Variants in QRFP observed in about 807,000 individuals in gnomAD.
QRFP encodes orexigenic neuropeptide QRFP.
QRFP carries 7 observed loss-of-function variants against 9.1 expected under a neutral mutation model. The observed-to-expected ratio is 0.77, with a 90% CI of 0.44 to 1.45. The LOEUF is 1.45. Ranked by LOEUF, QRFP falls within the 40% of genes most tolerant of loss-of-function variation. The probability of loss-of-function intolerance (pLI) is 0.01; values close to 1 mark genes in which losing one functional copy is unlikely to be tolerated. For missense variants in QRFP, 204 were observed against 185.4 expected (o/e 1.10, Z -0.58); for synonymous variants, 91 against 80.2 (o/e 1.13, Z -0.72).
In QRFP at chr9:130,893,650, C is replaced by T. The variant is rs1831718072; in HGVS notation, c.189G>A (p.Gln63=). 6.2e-7 allele frequency: 1 copy of T among 1,602,506 alleles called. No individual in the cohort carries two copies. Among genetic ancestry groups the T allele is most frequent in the South Asian group, 1.1e-5 (1 of 90,588 alleles). ...WGSSRWLRAS[Q]PQALLVIARG... Reference sequence around the variant, plus strand: ...TGGCTATGACAAGCAGGGCCTGTGGCTGTGAAGCTCTCAGCCACCGAGAGG... The same window carrying T: ...TGGCTATGACAAGCAGGGCCTGTGGTTGTGAAGCTCTCAGCCACCGAGAGG... Residue 63 remains glutamine, a synonymous_variant, in exon 3 of 3, where the codon CAG becomes CAA. Coordinates refer to ENST00000623824, the MANE Select transcript of QRFP (RefSeq NM_198180.3).
chr9:130,895,327 G>GA (rs1420863333), intron 2 of QRFP, among the ~76,000 whole-genome samples: 1 of 152,204 alleles, frequency 6.6e-6, no homozygotes, highest in Non-Finnish European at 1.5e-5. Context: ...GTCTAGAAAG[G>GA]AGACAGCCTG....
At chr9:130,896,347 C>T (rs1831759610) in intron 1 of QRFP, among the ~76,000 whole-genome samples, 2 of 152,210 alleles carry the variant, frequency 1.3e-5, no homozygotes, top group Admixed American at 1.3e-4. Flanking sequence ...GAGCATTTGC[C>T]TGTGGCCCCC....
chr9:130,896,183 G>A (rs1831755573), intron 1 of QRFP, among the ~76,000 whole-genome samples: 1 of 152,174 alleles, frequency 6.6e-6, no homozygotes, highest in Non-Finnish European at 1.5e-5. Flanking sequence ...GGCTTTCATG[G>A]GCAGGAAAGC....
At chr9:130,893,894 C>T in intron 2 of QRFP, 56 bp from the exon 3 acceptor site, 1 of 1,464,298 alleles carries the variant, frequency 6.8e-7, no homozygotes, top group Non-Finnish European at 9.1e-7. Context: ...CCAAGCGCAA[C>T]TCACCAAAAT....
At position 130,896,629 on chromosome 9, in the gene QRFP, G is replaced by A. The variant is rs1831763896; in HGVS notation, c.-338C>T. 6.6e-6 allele frequency: 1 copy of A among 152,222 alleles called. No homozygotes were observed. Among genetic ancestry groups the A allele is most frequent in the Admixed American group, 6.5e-5 (1 of 15,292 alleles). 9.4% of individuals were successfully genotyped at this position (152,222 alleles called of 1,614,324 possible). ...GAAGTCATGGGAATAGAGAGCCTGT[G>A]GACACTTCCCCAGAGACCTGAGGAA... On this transcript the variant is annotated 5_prime_UTR_variant, in exon 1 of 3. Coordinates refer to ENST00000623824, the MANE Select transcript of QRFP (RefSeq NM_198180.3).
rs1283178698 is a variant in QRFP at position 130,893,797 on chromosome 9, C to T, written c.42G>A (p.Pro14=). The change falls in exon 3 of 3, where the codon CCG becomes CCA. Residue 14 remains proline, a synonymous_variant. Coordinates refer to ENST00000623824, the MANE Select transcript of QRFP (RefSeq NM_198180.3). ...CCAGTAGAGGGAAGCAGGCGCCCAG[C>T]GGCAGGAAGAGGAAGTAGATCAGGG... The part of the protein sequence containing the change: ...PYPLIYFLFL[P]LGACFPLLDR... 5 of 1,556,572 alleles carry T rather than the reference C, an allele frequency of 3.2e-6. No homozygotes were observed. The highest frequency in any genetic ancestry group is 2.4e-5 in the South Asian group (2 of 83,738).
At chr9:130,893,982 T>A in intron 2 of QRFP, 144 bp from the exon 3 acceptor site, 1 of 659,396 alleles carries the variant, frequency 1.5e-6, no homozygotes, top group Non-Finnish European at 2.3e-6. Context: ...GTGCTGGGAC[T>A]AGGCCACTGT....
rs1400462901 is a variant in QRFP, at chr9:130,892,846, A to C, written c.*582T>G. ...CCAGGAGACTCCTGGCCGGGCTAAC[A>C]CTGGGCCGCGGAGAAGGGCTGCGGT... On this transcript the variant is annotated 3_prime_UTR_variant, in exon 3 of 3. Transcript: ENST00000623824. The C allele has an allele frequency of 6.6e-6, 1 of 152,192 alleles. No individual in the cohort carries two copies. Among genetic ancestry groups the C allele is most frequent in the Non-Finnish European group, 1.5e-5 (1 of 68,044 alleles). 9.4% of individuals were successfully genotyped at this position (152,192 alleles called of 1,614,324 possible). A position where few individuals can be genotyped will look rare whatever the true frequency, so the allele number is the denominator to read the frequency against.
At chr9:130,896,548 T>G (rs1004179174) in intron 1 of QRFP, 29 bp downstream of exon 1, 6 of 152,136 alleles carry the variant, frequency 3.9e-5, no homozygotes, top group African/African-American at 1.4e-4. Context: ...GCCTCCCCCA[T>G]TCCAGGGGCC....
rs756601368 is a variant in QRFP at position 130,893,560 on chromosome 9, T to G, written c.279A>C (p.Glu93Asp). The change falls in exon 3 of 3, where the codon GAA becomes GAC. Residue 93 changes from glutamate (E) to aspartate (D), a missense_variant. Physicochemically the swap from Glu to Asp is conservative, Grantham distance 45 (BLOSUM62 2). Transcript: ENST00000623824. Reference sequence around the variant, plus strand: ...GGAGGAAGCCGGTGGCCTCACTGCCTTCGTCCTGCCTCCCGAAGCGGAATC... The same window carrying G: ...GGAGGAAGCCGGTGGCCTCACTGCCGTCGTCCTGCCTCCCGAAGCGGAATC... ...GCRFRFGRQD[E>D]GSEATGFLPA... 1 of 1,612,864 alleles carries G rather than the reference T, an allele frequency of 6.2e-7. No homozygotes were observed. The highest frequency in any genetic ancestry group is 2.2e-5 in the East Asian group (1 of 44,862).
At chr9:130,894,727 T>G (rs958367151) in intron 2 of QRFP, among the ~76,000 whole-genome samples, 2 of 152,012 alleles carry the variant, frequency 1.3e-5, no homozygotes, top group African/African-American at 4.8e-5. Flanking sequence ...AGAGCTAGAG[T>G]TCAATCCCAG....
chr9:130,894,802 C>T (rs1036771255), intron 2 of QRFP, among the ~76,000 whole-genome samples: 2 of 152,094 alleles, frequency 1.3e-5, no homozygotes, highest in African/African-American at 2.4e-5. Context: ...ACATGGCACT[C>T]GGGGGATCTG....
chr9:130,895,806 C>T lies in QRFP; in HGVS notation c.-110G>A, dbSNP rs1309559048. The stretch of plus-strand genomic sequence containing the variant: ...TCGTCCAGGAGGCATGGCCCCTGGG[C>T]TCTCCCTGCTTTATATGGCCCGCGG... On this transcript the variant is annotated 5_prime_UTR_variant, in exon 2 of 3. Coordinates refer to ENST00000623824, the MANE Select transcript of QRFP (RefSeq NM_198180.3). 1 of 152,444 alleles carries T rather than the reference C, an allele frequency of 6.6e-6. No homozygotes were observed. The highest frequency in any genetic ancestry group is 1.5e-5 in the Non-Finnish European group (1 of 68,210). 9.4% of individuals were successfully genotyped at this position (152,444 alleles called of 1,614,324 possible). A position where few individuals can be genotyped will look rare whatever the true frequency, so the allele number is the denominator to read the frequency against.
rs1208227664 is a variant in QRFP at position 130,896,575 on chromosome 9, ACCCCTGCAT to A, written c.-293_-286+1del. On this transcript the variant is annotated splice_donor_variant and 5_prime_UTR_variant, in exon 1 of 3. Coordinates refer to ENST00000623824, the MANE Select transcript of QRFP (RefSeq NM_198180.3). LOFTEE classifies it low-confidence loss of function (5UTR_SPLICE). Reference sequence around the variant, plus strand: ...CCAGGGGCCCTCACCCAGCCGACCTACCCCTGCATCCCGGCTGCTGGGGGATCAGAAGTC... The same window carrying A: ...CCAGGGGCCCTCACCCAGCCGACCTACCCGGCTGCTGGGGGATCAGAAGTC... 6.6e-6 allele frequency: 1 copy of A among 152,084 alleles called. No homozygotes were observed. The highest frequency in any genetic ancestry group is 2.4e-5 in the African/African-American group (1 of 41,368). 9.4% of individuals were successfully genotyped at this position (152,084 alleles called of 1,614,324 possible).
At chr9:130,895,043 G>C (rs890193610) in intron 2 of QRFP, among the ~76,000 whole-genome samples, 1 of 152,112 alleles carries the variant, frequency 6.6e-6, no homozygotes, top group Non-Finnish European at 1.5e-5. Context: ...AGCTCAGCCA[G>C]GAAGCTTTTA....
At chr9:130,895,538 CTG>C (rs1159028328) in intron 2 of QRFP, among the ~76,000 whole-genome samples, 157 bp downstream of exon 2, 3 of 152,378 alleles carry the variant, frequency 2.0e-5, no homozygotes, top group Middle Eastern at 3.4e-3. Flanking sequence ...CGTGACCAAT[CTG>C]TGCTGCTCTG....
rs1183723519 is a variant in QRFP at position 130,893,758 on chromosome 9, G to GGGCT, written c.77_80dup (p.Thr28AlafsTer70). The stretch of plus-strand genomic sequence containing the variant: ...CTCCGAGGCCACCCATGGCGTCTGT[G>GGGCT]GGCTCTCTTCTGTCCAGTAGAGGGA... On this transcript the variant is annotated frameshift_variant, in exon 3 of 3. Coordinates refer to ENST00000623824, the MANE Select transcript of QRFP (RefSeq NM_198180.3). LOFTEE classifies it high-confidence loss of function. 6.2e-7 allele frequency: 1 copy of GGGCT among 1,608,122 alleles called. No individual in the cohort carries two copies. Among genetic ancestry groups the GGGCT allele is most frequent in the Non-Finnish European group, 8.5e-7 (1 of 1,177,400 alleles).
rs549181202 is a variant in QRFP at position 130,894,941 on chromosome 9, A to T, written c.-1+756T>A. ...TCCTCCGCAGAGTCAAACTGAGGCT[A>T]GACTAGAGAGCACCGGCCCTGGAGA... is the stretch of plus-strand genomic sequence containing the variant. On this transcript the variant is annotated intron_variant, in intron 2 of 2. Coordinates refer to ENST00000623824, the MANE Select transcript of QRFP (RefSeq NM_198180.3). Among the ~76,000 whole-genome samples, 3 of 152,304 alleles carry T rather than the reference A, an allele frequency of 2.0e-5. No homozygotes were observed. In the East Asian group the frequency reaches 5.8e-4, roughly 29 times the overall value.
chr9:130,893,384 G>C lies in QRFP; in HGVS notation c.*44C>G, dbSNP rs370369553. On this transcript the variant is annotated 3_prime_UTR_variant, in exon 3 of 3. Coordinates refer to ENST00000623824, the MANE Select transcript of QRFP (RefSeq NM_198180.3). ...GGAGAAGGCAGGAGTGAAGACAATGGGGGTGAGTCCAAGAAGCAAATCCTT... is the reference window on the plus strand; with the variant it reads ...GGAGAAGGCAGGAGTGAAGACAATGCGGGTGAGTCCAAGAAGCAAATCCTT... 2 of 1,523,370 alleles carry C rather than the reference G, an allele frequency of 1.3e-6. No individual in the cohort carries two copies. Among genetic ancestry groups the C allele is most frequent in the African/African-American group, 1.4e-5 (1 of 72,316 alleles). 94.4% of individuals were successfully genotyped at this position (1,523,370 alleles called of 1,614,324 possible).
Sources: allele counts gnomAD v4.1 joint callset (sites outside exome capture counted in the v4.1 genomes callset), GRCh38; gene constraint gnomAD v4.1.1; transcripts MANE v1.5; gene names NCBI Gene and HGNC (gene_info 2026-07-23, HGNC 2026-07-21).